The following FRA10AC1 variants were observed in gnomAD, a reference collection of about 807,000 sequenced individuals.
FRA10AC1 encodes the protein FRA10A associated CGG repeat 1, also known as protein FRA10AC1.
FRA10AC1 carries 43 observed loss-of-function variants against 56.5 expected under a neutral mutation model. That is an observed-to-expected ratio of 0.76 (90% CI 0.60 to 0.98). The LOEUF (loss-of-function observed/expected upper bound fraction) is 0.98. Among genes scored for constraint, FRA10AC1 ranks in the 50% least tolerant of loss-of-function variants. The pLI, the probability that FRA10AC1 is intolerant of heterozygous loss-of-function variation, is 0.00. For missense variants in FRA10AC1, 346 were observed against 351.8 expected, an observed-to-expected ratio of 0.98 and a Z score of 0.13; for synonymous variants, 112 against 110.5, an observed-to-expected ratio of 1.01 and a Z score of -0.09.
intron 13 of FRA10AC1, 136 bp downstream of exon 13, chr10:93,670,633 CT>C: frequency 1.9e-6 from 1 of 518,538 alleles, no homozygotes; most frequent in Non-Finnish European, 3.4e-6. Flanking sequence ...GGAATAAGCT[CT>C]AATCTTACCA....
At chr10:93,673,263 T>C (rs746758943) in intron 12 of FRA10AC1, 38 of 453,942 alleles carry the variant, frequency 8.4e-5, no homozygotes, top group African/African-American at 1.6e-4. Flanking sequence ...TCCTACATAG[T>C]AGCAGCCTTG....
intron 8 of FRA10AC1, 195 bp from the exon 9 acceptor site, chr10:93,685,554 G>C (rs1589721208): frequency 5.0e-6 from 2 of 397,094 alleles, no homozygotes; most frequent in Non-Finnish European, 4.4e-6. Flanking sequence ...AAAAAAATCA[G>C]TCACAGAATT....
In FRA10AC1 at chr10:93,669,102, C is replaced by G. The variant is rs1378680414; in HGVS notation, c.*724G>C. On this transcript the variant is annotated 3_prime_UTR_variant, in exon 14 of 14. Coordinates refer to ENST00000359204, the MANE Select transcript of FRA10AC1 (RefSeq NM_145246.5). ...GGAAGTCAAATTTGATTATAACAAA[C>G]TCTCTTAAGTGGTAGAGGTTAAGAA... 1 of 151,962 alleles carries G rather than the reference C, an allele frequency of 6.6e-6. No homozygotes were observed. 9.4% of individuals were successfully genotyped at this position (151,962 alleles called of 1,614,324 possible). A position where few individuals can be genotyped will look rare whatever the true frequency, so the allele number is the denominator to read the frequency against.
At chr10:93,672,180 C>T (rs529277657) in intron 12 of FRA10AC1, 63 of 367,802 alleles carry the variant, frequency 1.7e-4, no homozygotes, top group Middle Eastern at 8.9e-4. Context: ...TGATTTGTTA[C>T]GGTAGTTCTA....
At chr10:93,681,687 G>A (rs1197155915) in intron 10 of FRA10AC1, 89 bp from the exon 11 acceptor site, 2 of 1,169,330 alleles carry the variant, frequency 1.7e-6, no homozygotes, top group Admixed American at 3.6e-5. Flanking sequence ...ACCAAAATCA[G>A]TTAAAATACT....
intron 11 of FRA10AC1, 119 bp downstream of exon 11, chr10:93,681,361 C>T: frequency 1.5e-6 from 1 of 667,924 alleles, no homozygotes; most frequent in East Asian, 3.1e-5. Context: ...AGCCAGTTTC[C>T]TCTCAACTAC....
chr10:93,670,226 TGAATAAA>T (rs2058739306), intron 13 of FRA10AC1, among the ~76,000 whole-genome samples: 1 of 152,074 alleles, frequency 6.6e-6, no homozygotes, highest in African/African-American at 2.4e-5. Context: ...GCTCAAGAAG[TGAATAAA>T]AAAGAAACTA....
chr10:93,681,730 C>T (rs943636782), intron 10 of FRA10AC1, 132 bp from the exon 11 acceptor site: 13 of 753,858 alleles, frequency 1.7e-5, no homozygotes, highest in Non-Finnish European at 2.1e-5. Context: ...TAATAAGGAA[C>T]GTTAAGTGAG....
At chr10:93,702,750 A>C (rs1589733739), upstream of FRA10AC1, among the ~76,000 whole-genome samples, 1 of 151,868 alleles carries the variant, frequency 6.6e-6, no homozygotes, top group Non-Finnish European at 1.5e-5. Flanking sequence ...CGCGGCTCCC[A>C]GTTTTTCCCT....
In FRA10AC1 at chr10:93,669,107, T is replaced by C. The variant is rs2058722307; in HGVS notation, c.*719A>G. 1 of 151,928 alleles carries C rather than the reference T, an allele frequency of 6.6e-6. No homozygotes were observed. The allele number at this position is 151,928 out of a possible 1,614,324, so 9.4% of individuals were successfully genotyped here. A position where few individuals can be genotyped will look rare whatever the true frequency, so the allele number is the denominator to read the frequency against. ...TCAAATTTGATTATAACAAACTCTC[T>C]TAAGTGGTAGAGGTTAAGAAGGAAG... On this transcript the variant is annotated 3_prime_UTR_variant, in exon 14 of 14. Transcript: ENST00000359204.
intron 1 of FRA10AC1, among the ~76,000 whole-genome samples, chr10:93,701,265 T>C (rs12258115): frequency 0.014 from 2,111 of 152,274 alleles, 54 homozygotes; most frequent in African/African-American, 0.049. Context: ...CTAATTTACA[T>C]GGCTGGAAGG....
At position 93,693,615 on chromosome 10, in the gene FRA10AC1, TATATATATACACACC is replaced by T. The variant is rs1292250668; in HGVS notation, c.297-901_297-887del. Among the ~76,000 whole-genome samples the T allele has an allele frequency of 1.9e-4, 27 of 142,678 alleles. 1 individual carries two copies. The South Asian group carries it at 2.2e-3, about 12-fold the overall frequency. 93.6% of individuals were successfully genotyped at this position (142,678 alleles called of 152,430 possible). On this transcript the variant is annotated intron_variant, in intron 5 of 13. Transcript: ENST00000359204. ...ATACACACCATATATATACACACCA[TATATATATACACACC>T]ATATATATACACACCATATATATAT... is the stretch of plus-strand genomic sequence containing the variant.
At chr10:93,677,752 G>A (rs2058868583) in intron 11 of FRA10AC1, among the ~76,000 whole-genome samples, 2 of 152,084 alleles carry the variant, frequency 1.3e-5, no homozygotes, top group Admixed American at 1.3e-4. Flanking sequence ...CATATGATTC[G>A]CCCTGGGAAC....
chr10:93,683,691 C>A (rs563925023), intron 10 of FRA10AC1, among the ~76,000 whole-genome samples: 1 of 152,222 alleles, frequency 6.6e-6, no homozygotes, highest in South Asian at 2.1e-4. Flanking sequence ...GTGTCTAATC[C>A]TTTGTAAGAA....
Position 93,669,853 on chromosome 10 carries a change from A to T in FRA10AC1, c.921T>A (p.Asp307Glu), listed in dbSNP as rs1280172959. 2 of 1,579,698 alleles carry T rather than the reference A, an allele frequency of 1.3e-6. No individual in the cohort carries two copies. The highest frequency in any genetic ancestry group is 1.7e-6 in the Non-Finnish European group (2 of 1,156,430). The stretch of plus-strand genomic sequence containing the variant: ...ATAGAAACAAATCCTGAAAATACTC[A>T]TCAAATTCTTCTTCCCTATTTAAAA... ...TDEKSQEEEF[D>E]EYFQDLFL Residue 307 changes from aspartate (D) to glutamate (E), a missense_variant, in exon 14 of 14, where the codon GAT becomes GAA. By Grantham distance (45) the Asp-to-Glu change is conservative. Transcript: ENST00000359204.
At chr10:93,673,323 C>T (rs545066622) in intron 12 of FRA10AC1, 64 of 456,548 alleles carry the variant, frequency 1.4e-4, no homozygotes, top group African/African-American at 1.3e-3. Flanking sequence ...CTCTTCCCTC[C>T]CATCCTTTCA....
At chr10:93,670,636 A>T in intron 13 of FRA10AC1, 134 bp downstream of exon 13, 1 of 529,788 alleles carries the variant, frequency 1.9e-6, no homozygotes. Flanking sequence ...ATAAGCTCTA[A>T]TCTTACCAGG....
intron 7 of FRA10AC1, among the ~76,000 whole-genome samples, chr10:93,691,048 G>A (rs2059116580): frequency 6.6e-6 from 1 of 151,954 alleles, no homozygotes; most frequent in African/African-American, 2.4e-5. Context: ...TTTTAAATAG[G>A]TTTTTTTCTT....
chr10:93,689,707 CTAGT>C (rs1403644978), intron 7 of FRA10AC1, among the ~76,000 whole-genome samples: 7 of 152,142 alleles, frequency 4.6e-5, no homozygotes, highest in African/African-American at 1.7e-4. Flanking sequence ...TTATATCCTA[CTAGT>C]TAAAGACTGT....
Sources: allele counts gnomAD v4.1 joint callset (sites outside exome capture counted in the v4.1 genomes callset), GRCh38; gene constraint gnomAD v4.1.1; transcripts MANE v1.5; gene names NCBI Gene and HGNC (gene_info 2026-07-23, HGNC 2026-07-21).